QKI: variants seen among roughly 807,000 people sequenced by gnomAD.
QKI encodes the protein QKI, KH domain containing RNA binding.
In QKI, 10 loss-of-function variants were observed where a neutral mutation model predicts 39.0. That is an observed-to-expected ratio of 0.26 (90% CI 0.16 to 0.43). The LOEUF is 0.43. Ranked by LOEUF, QKI falls within the 20% of genes least tolerant of loss-of-function variation. The probability of loss-of-function intolerance (pLI) is 1.00; values close to 1 mark genes in which losing one functional copy is unlikely to be tolerated. For synonymous variants in QKI, 204 were observed against 155.4 expected, an observed-to-expected ratio of 1.31 and a Z score of -2.33; for missense variants, 218 against 428.0, an observed-to-expected ratio of 0.51 and a Z score of 4.33.
intron 3 of QKI, among the ~76,000 whole-genome samples, chr6:163,525,380 C>T (rs915356546): frequency 6.7e-6 from 1 of 149,400 alleles, no homozygotes; most frequent in South Asian, 2.1e-4. Flanking sequence ...TCTTTCTTGA[C>T]GGAGTCTTGT....
chr6:163,439,741 C>T (rs1438977628), intron 1 of QKI, among the ~76,000 whole-genome samples: 2 of 151,146 alleles, frequency 1.3e-5, no homozygotes, highest in Non-Finnish European at 2.9e-5. Flanking sequence ...CCTCCATCTC[C>T]AGGGTGTGAG....
chr6:163,458,893 G>A (rs1344238797), intron 2 of QKI, among the ~76,000 whole-genome samples: 2 of 152,152 alleles, frequency 1.3e-5, no homozygotes, highest in Non-Finnish European at 2.9e-5. Context: ...CTTTGATATA[G>A]TAAAGACAAT....
chr6:163,567,701 G>A (rs927531016), intron 7 of QKI: 22 of 984,248 alleles, frequency 2.2e-5, no homozygotes, highest in Non-Finnish European at 2.5e-5. Flanking sequence ...TCCATCACAA[G>A]ATAGGAATAT....
At position 163,418,080 on chromosome 6, in the gene QKI, C is replaced by T. The variant is rs532302333; in HGVS notation, c.142+2745C>T. Reference sequence around the variant, plus strand: ...AACAAATTGATCATGACTTTTGTTTCTGGTTAGGCATTACTTTTTTTTTTT... The same window carrying T: ...AACAAATTGATCATGACTTTTGTTTTTGGTTAGGCATTACTTTTTTTTTTT... On this transcript the variant is annotated intron_variant, in intron 1 of 7. Coordinates refer to ENST00000361752, the MANE Select transcript of QKI (RefSeq NM_006775.3). Among the ~76,000 whole-genome samples, 4 of 149,514 alleles carry T rather than the reference C, an allele frequency of 2.7e-5. No homozygotes were observed. The South Asian group carries it at 6.3e-4, about 24-fold the overall frequency.
chr6:163,464,138 T>C (rs1024055205), intron 2 of QKI, among the ~76,000 whole-genome samples: 1 of 152,182 alleles, frequency 6.6e-6, no homozygotes, highest in Non-Finnish European at 1.5e-5. Flanking sequence ...TTGCAGGTCA[T>C]TCTCTGAAGT....
chr6:163,531,837 TAGA>T (rs1354206591), intron 3 of QKI, among the ~76,000 whole-genome samples: 13 of 152,224 alleles, frequency 8.5e-5, no homozygotes, highest in Non-Finnish European at 1.6e-4. Flanking sequence ...TGCAGTGTTG[TAGA>T]AGAATTTTTG....
chr6:163,475,160 C>T (rs1792491570), intron 2 of QKI, among the ~76,000 whole-genome samples: 1 of 152,014 alleles, frequency 6.6e-6, no homozygotes, highest in Non-Finnish European at 1.5e-5. Flanking sequence ...ATAATTAATA[C>T]AGTATGATGT....
intron 5 of QKI, 50 bp from the exon 6 acceptor site, chr6:163,563,370 T>C: frequency 6.8e-7 from 1 of 1,480,146 alleles, no homozygotes; most frequent in South Asian, 1.3e-5. Flanking sequence ...TTTTCCGTAT[T>C]TTATACTGCT....
chr6:163,479,748 C>G (rs987818717), intron 3 of QKI, among the ~76,000 whole-genome samples: 1 of 152,154 alleles, frequency 6.6e-6, no homozygotes, highest in African/African-American at 2.4e-5. Flanking sequence ...TTGTCATTTA[C>G]TTTTGGGAAG....
chr6:163,564,475 C>T, intron 6 of QKI: 1 of 1,422,026 alleles, frequency 7.0e-7, no homozygotes, highest in South Asian at 1.6e-5. Flanking sequence ...GTTTTGGAGT[C>T]CTAGTCATAT....
chr6:163,479,188 C>T (rs540045326), intron 3 of QKI, among the ~76,000 whole-genome samples: 27 of 151,388 alleles, frequency 1.8e-4, no homozygotes, highest in African/African-American at 6.5e-4. Flanking sequence ...ACTCAGGAGG[C>T]TGAGGCAGGA....
intron 3 of QKI, among the ~76,000 whole-genome samples, chr6:163,495,190 C>T (rs2128229769): frequency 6.6e-6 from 1 of 152,292 alleles, no homozygotes; most frequent in South Asian, 2.1e-4. Flanking sequence ...GCTGGGATTA[C>T]AGGCATGAGC....
intron 3 of QKI, among the ~76,000 whole-genome samples, chr6:163,497,646 A>AC (rs2128230494): frequency 6.6e-6 from 1 of 151,896 alleles, no homozygotes; most frequent in African/African-American, 2.4e-5. Context: ...TGTTAAAAAA[A>AC]AAAAATCCAT....
chr6:163,520,751 C>T (rs999665493), intron 3 of QKI, among the ~76,000 whole-genome samples: 11 of 152,108 alleles, frequency 7.2e-5, no homozygotes, highest in Admixed American at 3.3e-4. Context: ...GAAAATAATT[C>T]AGTATCTTCA....
intron 2 of QKI, among the ~76,000 whole-genome samples, chr6:163,463,707 ATTAT>A (rs750321544): frequency 2.0e-5 from 3 of 152,220 alleles, no homozygotes; most frequent in Non-Finnish European, 4.4e-5. Context: ...TAGAAAAAAG[ATTAT>A]TTAACCAATT....
At chr6:163,501,321 T>A (rs998171376) in intron 3 of QKI, among the ~76,000 whole-genome samples, 2 of 151,570 alleles carry the variant, frequency 1.3e-5, no homozygotes, top group African/African-American at 4.8e-5. Context: ...GAGGCAGAGA[T>A]TTTTTTAGAC....
chr6:163,530,206 A>G lies in QKI; in HGVS notation c.403-4776A>G, dbSNP rs537117282. 1.1e-4 allele frequency among the ~76,000 whole-genome samples: 16 copies of G among 152,324 alleles called. No individual in the cohort carries two copies. The South Asian group carries it at 2.7e-3, about 26-fold the overall frequency. On this transcript the variant is annotated intron_variant, in intron 3 of 7. Transcript: ENST00000361752. ...GAAAGATTGTTTGAAACATAATTGT[A>G]AAAAGAAACGAATGCCTCGTAGAAC...
intron 1 of QKI, among the ~76,000 whole-genome samples, chr6:163,438,035 A>G (rs1789449843): frequency 6.6e-6 from 1 of 152,194 alleles, no homozygotes; most frequent in South Asian, 2.1e-4. Flanking sequence ...TTGAATTTTA[A>G]GGAGGAACTT....
intron 1 of QKI, among the ~76,000 whole-genome samples, chr6:163,449,101 T>G (rs962078166): frequency 3.9e-5 from 6 of 152,186 alleles, no homozygotes; most frequent in African/African-American, 1.4e-4. Context: ...AATAACTAAA[T>G]CTTACTTTGC....
Sources: allele counts gnomAD v4.1 joint callset (sites outside exome capture counted in the v4.1 genomes callset), GRCh38; gene constraint gnomAD v4.1.1; transcripts MANE v1.5; gene names NCBI Gene and HGNC (gene_info 2026-07-23, HGNC 2026-07-21).